Variants in MBOAT1 observed in about 807,000 individuals in gnomAD.
MBOAT1 encodes the protein membrane bound glycerophospholipid O-acyltransferase 1.
Under a neutral mutation model 64.4 loss-of-function variants are expected in MBOAT1, and 67 were observed. That is an observed-to-expected ratio of 1.04 (90% confidence interval 0.85 to 1.27). The LOEUF (loss-of-function observed/expected upper bound fraction) is 1.27. Ranked by LOEUF, MBOAT1 falls within the 50% of genes most tolerant of loss-of-function variation. The probability of loss-of-function intolerance (pLI) is 0.00; values close to 1 mark genes in which losing one functional copy is unlikely to be tolerated. For missense variants in MBOAT1, 563 were observed against 604.6 expected (o/e 0.93, Z 0.72); for synonymous variants, 229 against 218.9 (o/e 1.05, Z -0.41).
intron 1 of MBOAT1, among the ~76,000 whole-genome samples, chr6:20,170,600 C>T (rs1762161265): frequency 6.6e-6 from 1 of 152,132 alleles, no homozygotes; most frequent in South Asian, 2.1e-4. Flanking sequence ...TTCATTTCAC[C>T]CGGACAACAT....
chr6:20,137,230 C>T (rs1430150231), intron 4 of MBOAT1, among the ~76,000 whole-genome samples: 1 of 152,178 alleles, frequency 6.6e-6, no homozygotes, highest in Non-Finnish European at 1.5e-5. Flanking sequence ...TAAGAGTTCT[C>T]ATTTCACAGT....
intron 1 of MBOAT1, among the ~76,000 whole-genome samples, chr6:20,168,428 G>A (rs1189812877): frequency 1.3e-5 from 2 of 150,766 alleles, no homozygotes; most frequent in African/African-American, 2.5e-5. Context: ...TCACCCCACT[G>A]CCCTCCAGCC....
chr6:20,159,222 G>A (rs536594447), intron 1 of MBOAT1, among the ~76,000 whole-genome samples: 5 of 152,184 alleles, frequency 3.3e-5, no homozygotes, highest in East Asian at 1.9e-4. Context: ...CAGAAGGTGA[G>A]TGGCAGGTGA....
intron 8 of MBOAT1, 43 bp from the exon 9 acceptor site, chr6:20,118,583 C>A: frequency 6.9e-7 from 1 of 1,449,434 alleles, no homozygotes; most frequent in South Asian, 1.1e-5. Flanking sequence ...GAACAAAAGT[C>A]ACATTGCTGC....
At chr6:20,113,895 G>C (rs1200573425) in intron 10 of MBOAT1, among the ~76,000 whole-genome samples, 1 of 151,928 alleles carries the variant, frequency 6.6e-6, no homozygotes, top group Non-Finnish European at 1.5e-5. Context: ...ACCCAGCACT[G>C]TATGGGTGGT....
At chr6:20,181,370 T>C (rs62397923) in intron 1 of MBOAT1, among the ~76,000 whole-genome samples, 7,490 of 152,258 alleles carry the variant, frequency 0.049, 240 homozygotes, top group Non-Finnish European at 0.075. Flanking sequence ...ATTTCTTTTC[T>C]TTCTCCTCCT....
intron 5 of MBOAT1, among the ~76,000 whole-genome samples, chr6:20,130,385 G>A (rs772489436): frequency 2.6e-5 from 4 of 151,882 alleles, no homozygotes; most frequent in Admixed American, 1.3e-4. Flanking sequence ...ATGGAGTCTC[G>A]CTCTGTCACC....
At chr6:20,197,272 G>A (rs925673035) in intron 1 of MBOAT1, among the ~76,000 whole-genome samples, 3 of 152,086 alleles carry the variant, frequency 2.0e-5, no homozygotes, top group African/African-American at 4.8e-5. Context: ...CAGGACCCCA[G>A]AATCACTAAG....
chr6:20,117,348 T>A (rs1489437590), intron 9 of MBOAT1, among the ~76,000 whole-genome samples: 1 of 152,176 alleles, frequency 6.6e-6, no homozygotes, highest in Admixed American at 6.5e-5. Flanking sequence ...TTACGTTGAA[T>A]ATATGATGTA....
chr6:20,101,745 C>T lies in MBOAT1; in HGVS notation c.*541G>A, dbSNP rs1000211519. Among the ~76,000 whole-genome samples the T allele has an allele frequency of 2.6e-5, 4 of 152,194 alleles. No homozygotes were observed. The highest frequency in any genetic ancestry group is 9.7e-5 in the African/African-American group (4 of 41,442). On this transcript the variant is annotated 3_prime_UTR_variant, in exon 13 of 13. Coordinates refer to ENST00000324607, the MANE Select transcript of MBOAT1 (RefSeq NM_001080480.3). ...CTGGCACATTCTCTACACATCGCCA[C>T]ACCACTCAAATGTCCTATAAAATAT...
chr6:20,205,465 A>G (rs1466186457), intron 1 of MBOAT1, among the ~76,000 whole-genome samples: 3 of 152,098 alleles, frequency 2.0e-5, no homozygotes, highest in Non-Finnish European at 4.4e-5. Context: ...CTTTGCTTCA[A>G]ATGCCAGGGA....
At chr6:20,211,985 C>CACACACAT in intron 1 of MBOAT1, 151 bp downstream of exon 1, 1 of 614,548 alleles carries the variant, frequency 1.6e-6, no homozygotes, top group Non-Finnish European at 2.8e-6. Flanking sequence ...CACACACACA[C>CACACACAT]ACACACACAC....
chr6:20,139,965 G>A (rs1347908626), intron 4 of MBOAT1, among the ~76,000 whole-genome samples: 1 of 152,134 alleles, frequency 6.6e-6, no homozygotes, highest in Non-Finnish European at 1.5e-5. Context: ...CCCAGTCACT[G>A]CCTCCTGAAT....
chr6:20,113,281 C>T (rs1296292021), intron 10 of MBOAT1, among the ~76,000 whole-genome samples: 1 of 152,196 alleles, frequency 6.6e-6, no homozygotes, highest in Non-Finnish European at 1.5e-5. Flanking sequence ...GGACCCATCA[C>T]ACTGTATCTG....
intron 1 of MBOAT1, among the ~76,000 whole-genome samples, chr6:20,174,011 G>A (rs149729385): frequency 1.1e-3 from 169 of 152,178 alleles, no homozygotes; most frequent in African/African-American, 4.0e-3. Flanking sequence ...AGTATGAAGA[G>A]GAAAGACAAA....
intron 1 of MBOAT1, among the ~76,000 whole-genome samples, chr6:20,188,394 A>G (rs2113752384): frequency 6.6e-6 from 1 of 152,306 alleles, no homozygotes; most frequent in Admixed American, 6.5e-5. Context: ...CATTCCAGGT[A>G]GTTCTGTTAC....
intron 1 of MBOAT1, among the ~76,000 whole-genome samples, chr6:20,174,756 C>A (rs1356663955): frequency 1.3e-5 from 2 of 152,168 alleles, no homozygotes; most frequent in Non-Finnish European, 2.9e-5. Flanking sequence ...CCTTCATAGA[C>A]CAAAACGTTG....
intron 1 of MBOAT1, among the ~76,000 whole-genome samples, chr6:20,170,324 C>T (rs1474340956): frequency 1.3e-5 from 2 of 152,174 alleles, no homozygotes; most frequent in Non-Finnish European, 2.9e-5. Context: ...TACAGAAATC[C>T]TCACTTGCAT....
At chr6:20,126,800 T>C in intron 6 of MBOAT1, 100 bp from the exon 7 acceptor site, 1 of 834,896 alleles carries the variant, frequency 1.2e-6, no homozygotes, top group Non-Finnish European at 1.9e-6. Context: ...GTAGATTCGA[T>C]ACATGACATG....
Sources: gnomAD v4.1 joint callset for allele counts (sites outside exome capture counted in the v4.1 genomes callset) on GRCh38, gnomAD v4.1.1 for gene constraint, MANE v1.5 for transcripts, NCBI Gene and HGNC (gene_info 2026-07-23, HGNC 2026-07-21) for gene names.